RYR2: variants seen among roughly 807,000 people sequenced by gnomAD.
The protein encoded by RYR2 is cardiac muscle ryanodine receptor-calcium release channel.
Under a neutral mutation model 601.1 loss-of-function variants are expected in RYR2, and 227 were observed. The observed-to-expected ratio is 0.38, with a 90% CI of 0.34 to 0.42. The LOEUF is 0.42. Ranked by LOEUF, RYR2 falls within the 10% of genes least tolerant of loss-of-function variation. The pLI is 1.00. For missense variants in RYR2, 4,646 were observed against 6,156.5 expected (o/e 0.75, Z 8.21); for synonymous variants, 2,223 against 2,175.1 (o/e 1.02, Z -0.61).
intron 3 of RYR2, among the ~76,000 whole-genome samples, chr1:237,331,792 G>A (rs1473985764): frequency 6.6e-6 from 1 of 152,016 alleles, no homozygotes; most frequent in African/African-American, 2.4e-5. Context: ...GGGATTACAG[G>A]CGTGAGCCAC....
rs534348470 is a variant in RYR2 at position 237,706,266 on chromosome 1, A to AG, written c.9581-682dup. Among the ~76,000 whole-genome samples the AG allele has an allele frequency of 3.4e-3, 518 of 152,234 alleles. 8 individuals are homozygous for AG. Among genetic ancestry groups the AG allele is most frequent in the Non-Finnish European group, 4.9e-3 (336 of 68,006 alleles). On this transcript the variant is annotated intron_variant, in intron 67 of 104. Transcript: ENST00000366574. ...CTGTCTCAGCAGCAACAACAAAAAA[A>AG]GTTCAGCAAGGAGAAGAGAGTCAGT...
At chr1:237,808,547 C>T (rs1660899143) in intron 99 of RYR2, among the ~76,000 whole-genome samples, 1 of 151,708 alleles carries the variant, frequency 6.6e-6, no homozygotes, top group South Asian at 2.1e-4. Context: ...ATAATCCCCA[C>T]TACTCGGGAG....
intron 29 of RYR2, among the ~76,000 whole-genome samples, chr1:237,572,212 TTATC>T (rs1672774338): frequency 6.6e-6 from 1 of 152,206 alleles, no homozygotes; most frequent in Non-Finnish European, 1.5e-5. Context: ...TTTATTGGTG[TTATC>T]TATCTGTCTA....
chr1:237,664,759 T>G (rs993607350), intron 56 of RYR2, among the ~76,000 whole-genome samples: 1 of 152,176 alleles, frequency 6.6e-6, no homozygotes, highest in Non-Finnish European at 1.5e-5. Flanking sequence ...TTGCCATGGA[T>G]TCTAGCTTGT....
At chr1:237,374,141 C>G (rs1354558236) in intron 6 of RYR2, among the ~76,000 whole-genome samples, 2 of 152,116 alleles carry the variant, frequency 1.3e-5, no homozygotes, top group Non-Finnish European at 1.5e-5. Context: ...GCAGAAGCAT[C>G]CAGATTTTCA....
chr1:237,695,990 G>A lies in RYR2; in HGVS notation c.9068-2975G>A, dbSNP rs1264745813. Among the ~76,000 whole-genome samples the A allele has an allele frequency of 3.3e-5, 5 of 152,270 alleles. No individual in the cohort carries two copies. The East Asian group carries it at 9.7e-4, about 29-fold the overall frequency. ...CCACAGAATTTGTCTGGCTCCTGGT[G>A]CTGTTTCCTACTCTTCTTACATCCC... On this transcript the variant is annotated intron_variant, in intron 63 of 104. Transcript: ENST00000366574.
At chr1:237,127,279 C>G (rs948216216) in intron 1 of RYR2, among the ~76,000 whole-genome samples, 10 of 152,076 alleles carry the variant, frequency 6.6e-5, no homozygotes, top group African/African-American at 1.9e-4. Flanking sequence ...CATCCTGGCC[C>G]GTTCTCAATG....
At chr1:237,245,339 CACATTGAGCAATG>C (rs1296911798) in intron 1 of RYR2, among the ~76,000 whole-genome samples, 2 of 152,074 alleles carry the variant, frequency 1.3e-5, no homozygotes, top group Non-Finnish European at 2.9e-5. Context: ...CATGGCTTAC[CACATTGAGCAATG>C]GCATGAGACC....
chr1:237,742,511 G>T (rs1691705049), intron 80 of RYR2, among the ~76,000 whole-genome samples, 162 bp downstream of exon 80: 1 of 152,148 alleles, frequency 6.6e-6, no homozygotes, highest in African/African-American at 2.4e-5. Flanking sequence ...CCTAACATTT[G>T]CTGAAGTTAA....
At chr1:237,622,855 CTGGAACCAATACTCCA>C (rs1350572270) in intron 38 of RYR2, among the ~76,000 whole-genome samples, 1 of 152,156 alleles carries the variant, frequency 6.6e-6, no homozygotes, top group African/African-American at 2.4e-5. Context: ...ATGGAGGGTC[CTGGAACCAATACTCCA>C]TGGATACTAA....
At chr1:237,082,442 G>T (rs947214105) in intron 1 of RYR2, among the ~76,000 whole-genome samples, 2 of 149,144 alleles carry the variant, frequency 1.3e-5, no homozygotes, top group Non-Finnish European at 3.0e-5. Flanking sequence ...TAATTTGTTG[G>T]TGCTGCTTTC....
intron 1 of RYR2, among the ~76,000 whole-genome samples, chr1:237,162,527 A>T (rs1676136819): frequency 6.6e-6 from 1 of 152,078 alleles, no homozygotes; most frequent in East Asian, 1.9e-4. Flanking sequence ...TTGCAATCCA[A>T]ATATTGTATT....
At chr1:237,696,653 G>A (rs1404999019) in intron 63 of RYR2, among the ~76,000 whole-genome samples, 3 of 65,542 alleles carry the variant, frequency 4.6e-5, no homozygotes, top group Admixed American at 3.0e-4. Flanking sequence ...CCCCACCCCC[G>A]CCGCATCCCC....
intron 24 of RYR2, among the ~76,000 whole-genome samples, chr1:237,515,015 G>A (rs1666276740): frequency 6.6e-6 from 1 of 152,136 alleles, no homozygotes; most frequent in South Asian, 2.1e-4. Context: ...TTGGGTTGAG[G>A]AGCAATTTAA....
At chr1:237,362,256 A>G (rs973426829) in intron 4 of RYR2, among the ~76,000 whole-genome samples, 3 of 152,208 alleles carry the variant, frequency 2.0e-5, no homozygotes, top group Non-Finnish European at 4.4e-5. Flanking sequence ...ATTCTAAGAC[A>G]GCACGTTGGA....
intron 25 of RYR2, among the ~76,000 whole-genome samples, chr1:237,542,701 C>T (rs1210511561): frequency 6.6e-6 from 1 of 152,118 alleles, no homozygotes; most frequent in Non-Finnish European, 1.5e-5. Flanking sequence ...GCTAAGAATG[C>T]TCTCTCTGGC....
intron 41 of RYR2, among the ~76,000 whole-genome samples, chr1:237,628,441 A>T (rs531676002): frequency 6.8e-6 from 1 of 147,076 alleles, no homozygotes; most frequent in East Asian, 2.0e-4. Context: ...ACATTGTTCA[A>T]TTCCCACCTA....
At position 237,361,902 on chromosome 1, in the gene RYR2, A is replaced by G. The variant is rs1031285775; in HGVS notation, c.295-2456A>G. 7.9e-5 allele frequency among the ~76,000 whole-genome samples: 12 copies of G among 152,270 alleles called. No homozygotes were observed. In the East Asian group the frequency reaches 1.9e-3, roughly 24 times the overall value. ...TGCTATTTGATTTGTTTTTCTATTCATAATCATTTGCATTTGCTAAGAGAG... is the reference window on the plus strand; with the variant it reads ...TGCTATTTGATTTGTTTTTCTATTCGTAATCATTTGCATTTGCTAAGAGAG... On this transcript the variant is annotated intron_variant, in intron 4 of 104. Transcript: ENST00000366574.
intron 71 of RYR2, 150 bp downstream of exon 71, chr1:237,711,987 T>TA: frequency 1.7e-6 from 1 of 602,474 alleles, no homozygotes. Flanking sequence ...CAAGCTGTTT[T>TA]AAGGTTACTG....
Sources: gnomAD v4.1 joint callset for allele counts (sites outside exome capture counted in the v4.1 genomes callset) on GRCh38, gnomAD v4.1.1 for gene constraint, MANE v1.5 for transcripts, NCBI Gene and HGNC (gene_info 2026-07-23, HGNC 2026-07-21) for gene names.